The following PDLIM5 variants were observed in gnomAD, a reference collection of about 807,000 sequenced individuals.
PDLIM5 encodes the protein PDZ and LIM domain protein 5.
A neutral mutation model predicts 64.2 loss-of-function variants in PDLIM5; 34 were observed. That is an observed-to-expected ratio of 0.53 (90% confidence interval 0.40 to 0.71). The LOEUF is 0.71. Ranked by LOEUF, PDLIM5 falls within the 30% of genes least tolerant of loss-of-function variation. The probability of loss-of-function intolerance (pLI) is 0.00; values close to 1 mark genes in which losing one functional copy is unlikely to be tolerated. For missense variants in PDLIM5, 683 were observed against 733.6 expected, an observed-to-expected ratio of 0.93 and a Z score of 0.80; for synonymous variants, 253 against 269.1, an observed-to-expected ratio of 0.94 and a Z score of 0.59.
intron 8 of PDLIM5, among the ~76,000 whole-genome samples, chr4:94,636,763 CTGATCTCA>C (rs924211416): frequency 3.9e-5 from 6 of 152,108 alleles, no homozygotes; most frequent in Admixed American, 3.3e-4. Flanking sequence ...TCTCGATCTC[CTGATCTCA>C]TGATCCGCCC....
chr4:94,552,074 A>G (rs1469371960), intron 3 of PDLIM5, among the ~76,000 whole-genome samples: 1 of 152,140 alleles, frequency 6.6e-6, no homozygotes, highest in Non-Finnish European at 1.5e-5. Context: ...CTCAATAGCT[A>G]CCTAATGCCC....
rs144148554 is a variant in PDLIM5 at position 94,489,338 on chromosome 4, C to G, written c.96+33954C>G. ...ATCTTAGGTTACACAACATGCAGTT[C>G]TTTGGAATGCATATACATGTATATT... On this transcript the variant is annotated intron_variant, in intron 2 of 12. Coordinates refer to ENST00000317968, the MANE Select transcript of PDLIM5 (RefSeq NM_006457.5). Among the ~76,000 whole-genome samples, 689 of 152,034 alleles carry G rather than the reference C, an allele frequency of 4.5e-3. 4 individuals carry two copies. The highest frequency in any genetic ancestry group is 0.016 in the African/African-American group (660 of 41,474).
At chr4:94,516,881 A>G (rs1729409601) in intron 2 of PDLIM5, among the ~76,000 whole-genome samples, 2 of 152,120 alleles carry the variant, frequency 1.3e-5, no homozygotes, top group African/African-American at 4.8e-5. Flanking sequence ...TAAACCAGAG[A>G]TTGACATTTT....
chr4:94,658,560 A>G (rs759083858), intron 11 of PDLIM5, among the ~76,000 whole-genome samples: 1 of 152,218 alleles, frequency 6.6e-6, no homozygotes, highest in African/African-American at 2.4e-5. Flanking sequence ...TTGTTATTCT[A>G]CCTTGAAATT....
intron 2 of PDLIM5, among the ~76,000 whole-genome samples, chr4:94,504,379 C>G (rs184526537): frequency 6.6e-6 from 1 of 151,958 alleles, no homozygotes; most frequent in Non-Finnish European, 1.5e-5. Flanking sequence ...CCTCCGCTCC[C>G]GGGTTCAAGC....
At chr4:94,519,893 A>G (rs373671812) in intron 2 of PDLIM5, among the ~76,000 whole-genome samples, 1 of 152,090 alleles carries the variant, frequency 6.6e-6, no homozygotes, top group South Asian at 2.1e-4. Flanking sequence ...TGAAGACTGG[A>G]CTTCCTTTTC....
intron 2 of PDLIM5, among the ~76,000 whole-genome samples, chr4:94,513,194 G>A (rs1308307863): frequency 6.6e-6 from 1 of 152,150 alleles, no homozygotes; most frequent in Non-Finnish European, 1.5e-5. Context: ...TTTGTGCTAA[G>A]GATAGCTTTG....
chr4:94,642,066 A>G (rs1031549259), intron 9 of PDLIM5, among the ~76,000 whole-genome samples: 1 of 152,180 alleles, frequency 6.6e-6, no homozygotes, highest in Non-Finnish European at 1.5e-5. Context: ...TAGCTGTTAT[A>G]TTTTTGGTTT....
chr4:94,589,140 C>T (rs910677311), intron 7 of PDLIM5, among the ~76,000 whole-genome samples: 2 of 151,920 alleles, frequency 1.3e-5, no homozygotes, highest in Non-Finnish European at 2.9e-5. Flanking sequence ...GTCTGAGAGA[C>T]GATGGAATTA....
chr4:94,496,934 A>G (rs1270215983), intron 2 of PDLIM5, among the ~76,000 whole-genome samples: 2 of 152,242 alleles, frequency 1.3e-5, no homozygotes, highest in Admixed American at 1.3e-4. Flanking sequence ...ATCTAAAATT[A>G]TGTTTTTCAT....
intron 2 of PDLIM5, among the ~76,000 whole-genome samples, chr4:94,502,581 A>G (rs1228160060): frequency 6.6e-6 from 1 of 152,160 alleles, no homozygotes; most frequent in African/African-American, 2.4e-5. Context: ...TTTTTATGAG[A>G]TTAAGTAAGT....
At chr4:94,659,258 T>C (rs1742459899) in intron 11 of PDLIM5, among the ~76,000 whole-genome samples, 2 of 152,174 alleles carry the variant, frequency 1.3e-5, no homozygotes, top group Non-Finnish European at 2.9e-5. Context: ...CTTTTCCCCT[T>C]GTTCTTTCCT....
chr4:94,653,030 G>A (rs569359386), intron 9 of PDLIM5, among the ~76,000 whole-genome samples: 3 of 152,226 alleles, frequency 2.0e-5, no homozygotes, highest in East Asian at 3.9e-4. Context: ...AAAATGCTGT[G>A]ACTTTGCGAT....
chr4:94,651,203 A>C (rs1741820379), intron 9 of PDLIM5, among the ~76,000 whole-genome samples: 1 of 152,224 alleles, frequency 6.6e-6, no homozygotes, highest in Non-Finnish European at 1.5e-5. Flanking sequence ...TTTCAAGGGC[A>C]TTGATGGAGA....
intron 8 of PDLIM5, among the ~76,000 whole-genome samples, chr4:94,625,810 T>C (rs1269836396): frequency 6.6e-6 from 1 of 152,218 alleles, no homozygotes; most frequent in Non-Finnish European, 1.5e-5. Context: ...AGTTTCTCTA[T>C]GCTCTTGTTG....
intron 3 of PDLIM5, among the ~76,000 whole-genome samples, chr4:94,570,016 A>G (rs1734675817): frequency 6.6e-6 from 1 of 152,128 alleles, no homozygotes; most frequent in South Asian, 2.1e-4. Flanking sequence ...AAACCCTAAT[A>G]AACCTTCATG....
At chr4:94,484,894 A>T (rs1726173683) in intron 2 of PDLIM5, among the ~76,000 whole-genome samples, 1 of 152,226 alleles carries the variant, frequency 6.6e-6, no homozygotes, top group Non-Finnish European at 1.5e-5. Context: ...ACAGAACAAG[A>T]CCATATTCCT....
chr4:94,557,991 CA>C (rs1733502982), intron 3 of PDLIM5, among the ~76,000 whole-genome samples: 1 of 152,130 alleles, frequency 6.6e-6, no homozygotes, highest in South Asian at 2.1e-4. Flanking sequence ...TGCCAGTTTT[CA>C]AAGGGAATGC....
intron 2 of PDLIM5, among the ~76,000 whole-genome samples, chr4:94,462,837 G>A (rs1724025776): frequency 6.6e-6 from 1 of 152,128 alleles, no homozygotes; most frequent in Admixed American, 6.6e-5. Flanking sequence ...TTTCCAATCA[G>A]ATGGGCCAGT....
Sources: gnomAD v4.1 joint callset for allele counts (sites outside exome capture counted in the v4.1 genomes callset) on GRCh38, gnomAD v4.1.1 for gene constraint, MANE v1.5 for transcripts, NCBI Gene and HGNC (gene_info 2026-07-23, HGNC 2026-07-21) for gene names.